Variants in CNTNAP5 observed in about 807,000 individuals in gnomAD.
CNTNAP5 encodes contactin-associated protein-like 5.
Under a neutral mutation model 150.2 loss-of-function variants are expected in CNTNAP5, and 72 were observed. The observed-to-expected ratio is 0.48, with a 90% confidence interval of 0.40 to 0.58. The LOEUF (loss-of-function observed/expected upper bound fraction) is 0.58, where lower values mean the gene tolerates loss of function less well. CNTNAP5 is among the 20% of genes least tolerant of loss of function. The probability of loss-of-function intolerance (pLI) is 0.00; values close to 1 mark genes in which losing one functional copy is unlikely to be tolerated. For synonymous variants in CNTNAP5, 672 were observed against 619.8 expected (o/e 1.08, Z -1.25); for missense variants, 1,636 against 1,626.2 (o/e 1.01, Z -0.10).
At chr2:124,451,051 A>AAAAATATAT (rs1360743225) in intron 6 of CNTNAP5, among the ~76,000 whole-genome samples, 2 of 65,290 alleles carry the variant, frequency 3.1e-5, no homozygotes, top group Non-Finnish European at 5.2e-5. Flanking sequence ...AAAAAAAAAA[A>AAAAATATAT]ATATATATAT....
chr2:124,547,202 G>A (rs11886998), intron 10 of CNTNAP5, among the ~76,000 whole-genome samples: 30,776 of 151,962 alleles, frequency 0.2, 3,739 homozygotes, highest in African/African-American at 0.35. Context: ...ATAGAGAAAC[G>A]GTGCATTGAA....
intron 8 of CNTNAP5, among the ~76,000 whole-genome samples, chr2:124,515,825 A>C (rs1694701327): frequency 1.3e-5 from 2 of 152,334 alleles, no homozygotes; most frequent in African/African-American, 4.8e-5. Flanking sequence ...ATTTTGGAAA[A>C]TAGCCTGAAA....
chr2:124,894,572 A>T (rs1017131461), intron 21 of CNTNAP5, among the ~76,000 whole-genome samples: 5 of 145,562 alleles, frequency 3.4e-5, no homozygotes, highest in African/African-American at 7.7e-5. Context: ...TTTTTTTTTT[A>T]AGACAAAATC....
At position 124,914,208 on chromosome 2, in the gene CNTNAP5, G is replaced by A. The variant is rs2104771575; in HGVS notation, c.3844G>A (p.Glu1282Lys). 1 of 1,612,578 alleles carries A rather than the reference G, an allele frequency of 6.2e-7. No individual in the cohort carries two copies. Among genetic ancestry groups the A allele is most frequent in the South Asian group, 1.1e-5 (1 of 91,038 alleles). The change falls in exon 24 of 24, where the codon GAA (glutamate) becomes AAA (lysine). Residue 1282 changes from glutamate to lysine, a missense_variant. Physicochemically the swap from Glu to Lys is moderately conservative, Grantham distance 56. Coordinates refer to ENST00000682447, the MANE Select transcript of CNTNAP5 (RefSeq NM_001367498.1). Reference sequence around the variant, plus strand: ...CCAGATGAAGGAGAAGGAATATCCAGAAAATTTGGACAGTTCCTTCAGAAA... The same window carrying A: ...CCAGATGAAGGAGAAGGAATATCCAAAAAATTTGGACAGTTCCTTCAGAAA... Reference protein sequence around the residue: ...TSQMKEKEYPENLDSSFRNEI... With the variant: ...TSQMKEKEYPKNLDSSFRNEI...
chr2:124,071,176 T>G (rs981506490), intron 1 of CNTNAP5, among the ~76,000 whole-genome samples: 4 of 151,768 alleles, frequency 2.6e-5, no homozygotes, highest in Admixed American at 2.0e-4. Context: ...TCAAAACCTA[T>G]GGAATACAGT....
intron 1 of CNTNAP5, among the ~76,000 whole-genome samples, chr2:124,203,882 C>T (rs964874325): frequency 2.0e-5 from 3 of 152,220 alleles, no homozygotes; most frequent in African/African-American, 7.2e-5. Flanking sequence ...CTGACATGCC[C>T]TGAAGACATT....
At chr2:124,192,483 TC>T (rs1286243453) in intron 1 of CNTNAP5, among the ~76,000 whole-genome samples, 1 of 151,882 alleles carries the variant, frequency 6.6e-6, no homozygotes, top group African/African-American at 2.4e-5. Context: ...TTAACTCTAT[TC>T]CCCCCAAACC....
intron 11 of CNTNAP5, among the ~76,000 whole-genome samples, chr2:124,584,892 G>T (rs114439353): frequency 6.6e-6 from 1 of 152,138 alleles, no homozygotes; most frequent in South Asian, 2.1e-4. Flanking sequence ...AGCATGGAGC[G>T]TAGAGTCAAG....
At chr2:124,448,837 T>C (rs1692893672) in intron 6 of CNTNAP5, among the ~76,000 whole-genome samples, 1 of 152,232 alleles carries the variant, frequency 6.6e-6, no homozygotes, top group Non-Finnish European at 1.5e-5. Context: ...TAATAGATTA[T>C]TGCATATTTT....
At chr2:124,282,166 C>T (rs1399731670) in intron 3 of CNTNAP5, among the ~76,000 whole-genome samples, 1 of 152,092 alleles carries the variant, frequency 6.6e-6, no homozygotes, top group Non-Finnish European at 1.5e-5. Flanking sequence ...GATGGTAAAA[C>T]AAAGGGCTTT....
At chr2:124,043,065 G>A (rs557321756) in intron 1 of CNTNAP5, among the ~76,000 whole-genome samples, 1 of 152,034 alleles carries the variant, frequency 6.6e-6, no homozygotes, top group South Asian at 2.1e-4. Context: ...TCTTTAATTT[G>A]TCTTTTCAAT....
At chr2:124,498,714 A>C (rs1004134224) in intron 7 of CNTNAP5, among the ~76,000 whole-genome samples, 3 of 152,210 alleles carry the variant, frequency 2.0e-5, no homozygotes, top group Non-Finnish European at 4.4e-5. Context: ...CAAGACAGGA[A>C]TTATTAGGGA....
intron 13 of CNTNAP5, among the ~76,000 whole-genome samples, chr2:124,661,361 CT>C (rs547019427): frequency 3.1e-4 from 47 of 152,078 alleles, no homozygotes; most frequent in African/African-American, 1.1e-3. Context: ...TACTTTGAAA[CT>C]TTTTTTGTTA....
chr2:124,488,723 TG>T (rs1693949376), intron 7 of CNTNAP5, among the ~76,000 whole-genome samples: 1 of 152,192 alleles, frequency 6.6e-6, no homozygotes, highest in Admixed American at 6.5e-5. Context: ...TTGAAGCTTA[TG>T]TTGTGATGAT....
intron 7 of CNTNAP5, among the ~76,000 whole-genome samples, chr2:124,482,687 G>C (rs1453752668): frequency 6.6e-6 from 1 of 152,070 alleles, no homozygotes; most frequent in Non-Finnish European, 1.5e-5. Flanking sequence ...TCTTTGGTGT[G>C]AAAAAGGAAG....
chr2:124,766,081 G>C (rs1460621895), intron 16 of CNTNAP5, among the ~76,000 whole-genome samples: 1 of 152,134 alleles, frequency 6.6e-6, no homozygotes, highest in Non-Finnish European at 1.5e-5. Flanking sequence ...AGAATTACTT[G>C]TGTATGGTAA....
chr2:124,831,903 AT>A (rs1682724180), intron 19 of CNTNAP5, among the ~76,000 whole-genome samples: 1 of 152,124 alleles, frequency 6.6e-6, no homozygotes, highest in South Asian at 2.1e-4. Context: ...CAAGTTGACC[AT>A]TTTTACAGCC....
chr2:124,551,062 C>T lies in CNTNAP5; in HGVS notation c.1650-12155C>T, dbSNP rs141687584. 4.9e-3 allele frequency among the ~76,000 whole-genome samples: 747 copies of T among 152,180 alleles called. 3 individuals are homozygous for T. Among genetic ancestry groups the T allele is most frequent in the African/African-American group, 0.017 (702 of 41,508 alleles). ...AGTGTGCGGTAGAGTAGAGAGAGGA[C>T]CTTTCCCTTTTCTGTTCAGTGGCCT... On this transcript the variant is annotated intron_variant, in intron 10 of 23. Coordinates refer to ENST00000682447, the MANE Select transcript of CNTNAP5 (RefSeq NM_001367498.1).
At chr2:124,437,020 C>G (rs1420852121) in intron 5 of CNTNAP5, among the ~76,000 whole-genome samples, 1 of 152,154 alleles carries the variant, frequency 6.6e-6, no homozygotes, top group Non-Finnish European at 1.5e-5. Flanking sequence ...TACCTCATTA[C>G]AGCTAGAAGA....
Sources: gnomAD v4.1 joint callset for allele counts (sites outside exome capture counted in the v4.1 genomes callset) on GRCh38, gnomAD v4.1.1 for gene constraint, MANE v1.5 for transcripts, NCBI Gene and HGNC (gene_info 2026-07-23, HGNC 2026-07-21) for gene names.